The following ZBTB46 variants were observed in gnomAD, a reference collection of about 807,000 sequenced individuals.
ZBTB46 encodes zinc finger and BTB domain containing 46.
In ZBTB46, 8 loss-of-function variants were observed where a neutral mutation model predicts 44.1. The observed-to-expected ratio is 0.18, with a 90% CI of 0.11 to 0.33. The LOEUF (loss-of-function observed/expected upper bound fraction) is 0.33. Ranked by LOEUF, ZBTB46 falls within the 10% of genes least tolerant of loss-of-function variation. The pLI, the probability that ZBTB46 is intolerant of heterozygous loss-of-function variation, is 1.00. For missense variants in ZBTB46, 651 were observed against 847.7 expected (o/e 0.77, Z 2.88); for synonymous variants, 409 against 382.3 (o/e 1.07, Z -0.81).
At chr20:63,760,193 C>A (rs1212632028) in intron 3 of ZBTB46, among the ~76,000 whole-genome samples, 2 of 152,184 alleles carry the variant, frequency 1.3e-5, no homozygotes, top group African/African-American at 4.8e-5. Context: ...ACGTTGGCGT[C>A]ATTTTCTTCC....
intron 1 of ZBTB46, chr20:63,815,200 G>A: frequency 4.3e-6 from 1 of 235,004 alleles, no homozygotes; most frequent in South Asian, 4.1e-5. Flanking sequence ...AGTGGGCGCA[G>A]GTGCAGTGGG....
chr20:63,747,617 CAG>C (rs1319219579), intron 4 of ZBTB46, among the ~76,000 whole-genome samples: 1 of 149,738 alleles, frequency 6.7e-6, no homozygotes, highest in Non-Finnish European at 1.5e-5. Flanking sequence ...TCTGCACAGG[CAG>C]AGACTCCTGG....
intron 3 of ZBTB46, among the ~76,000 whole-genome samples, chr20:63,753,441 G>A (rs2092190031): frequency 6.6e-6 from 1 of 152,158 alleles, no homozygotes; most frequent in Admixed American, 6.5e-5. Context: ...GAGACCCAAC[G>A]TCACTCAGTG....
chr20:63,744,088 T>C lies in ZBTB46; in HGVS notation c.*2842A>G, dbSNP rs1350645019. ...TCACTACAAGTAGTTCTAAAAGGGC[T>C]GCATACAAAACACAATATAAGATCT... On this transcript the variant is annotated 3_prime_UTR_variant, in exon 5 of 5. Transcript: ENST00000245663. 1.3e-5 allele frequency: 2 copies of C among 152,404 alleles called. No individual in the cohort carries two copies. Among genetic ancestry groups the C allele is most frequent in the African/African-American group, 2.4e-5 (1 of 41,426 alleles). The allele number at this position is 152,404 out of a possible 1,614,324, so 9.4% of individuals were successfully genotyped here.
intron 2 of ZBTB46, among the ~76,000 whole-genome samples, chr20:63,780,065 G>A (rs2092456492): frequency 6.6e-6 from 1 of 151,792 alleles, no homozygotes; most frequent in South Asian, 2.1e-4. Flanking sequence ...GAAGTCAGGA[G>A]TTTGAGACTA....
At chr20:63,825,209 T>G (rs2092813184) in intron 1 of ZBTB46, among the ~76,000 whole-genome samples, 2 of 151,686 alleles carry the variant, frequency 1.3e-5, no homozygotes, top group Non-Finnish European at 2.9e-5. Flanking sequence ...AAGACCAGCC[T>G]GGCCAACATG....
intron 3 of ZBTB46, among the ~76,000 whole-genome samples, chr20:63,770,028 A>ACCGCC (rs2092353648): frequency 6.6e-6 from 1 of 152,182 alleles, no homozygotes; most frequent in African/African-American, 2.4e-5. Context: ...GCGGCACCGC[A>ACCGCC]CCGCCATGGC....
At chr20:63,830,394 T>A (rs1421191133) in intron 1 of ZBTB46, among the ~76,000 whole-genome samples, 1 of 148,420 alleles carries the variant, frequency 6.7e-6, no homozygotes, top group African/African-American at 2.5e-5. Context: ...GCGCGCCCCG[T>A]CCGCCCCGCG....
intron 3 of ZBTB46, among the ~76,000 whole-genome samples, chr20:63,759,074 C>T (rs1357147267): frequency 1.3e-5 from 2 of 152,146 alleles, no homozygotes; most frequent in African/African-American, 4.8e-5. Flanking sequence ...CCTCCATGAA[C>T]ATAGTATCTC....
Position 63,790,381 on chromosome 20 carries a change from TTGA to T in ZBTB46, c.374_376del (p.Ile125del). On this transcript the variant is annotated inframe_deletion, in exon 2 of 5. Coordinates refer to ENST00000245663, the MANE Select transcript of ZBTB46 (RefSeq NM_001369741.1). ...CTTGATGCTGATGTCCAGCGCCGCC[TTGA>T]TGAAGTCGTGGCAGGCTTGCACGAT... 6.2e-7 allele frequency: 1 copy of T among 1,613,214 alleles called. No homozygotes were observed. The highest frequency in any genetic ancestry group is 8.5e-7 in the Non-Finnish European group (1 of 1,179,920).
intron 1 of ZBTB46, among the ~76,000 whole-genome samples, chr20:63,818,457 G>A (rs572914987): frequency 8.5e-5 from 13 of 152,334 alleles, no homozygotes; most frequent in African/African-American, 1.4e-4. Context: ...AGGCCAGTGC[G>A]GACCCCCAGG....
chr20:63,774,607 T>C (rs6089988), intron 3 of ZBTB46, among the ~76,000 whole-genome samples: 83,015 of 151,462 alleles, frequency 0.55, 23,000 homozygotes, highest in Admixed American at 0.62. Context: ...AGCTATGTGC[T>C]AGGTGCCAGC....
At position 63,770,917 on chromosome 20, in the gene ZBTB46, C is replaced by T. The variant is rs556990243; in HGVS notation, c.1222+4761G>A. ...GCCCAGCCCTGGAAATGCTCATCGCCTGCAACCAGCACATGGAGATGGTCG... is the reference window on the plus strand; with the variant it reads ...GCCCAGCCCTGGAAATGCTCATCGCTTGCAACCAGCACATGGAGATGGTCG... On this transcript the variant is annotated intron_variant, in intron 3 of 4. Coordinates refer to ENST00000245663, the MANE Select transcript of ZBTB46 (RefSeq NM_001369741.1). 3.1e-5 allele frequency among the ~76,000 whole-genome samples: 4 copies of T among 127,136 alleles called. No homozygotes were observed. The South Asian group carries it at 7.5e-4, about 24-fold the overall frequency. 83.4% of individuals were successfully genotyped at this position (127,136 alleles called of 152,430 possible). A position where few individuals can be genotyped will look rare whatever the true frequency, so the allele number is the denominator to read the frequency against.
At chr20:63,757,895 A>G (rs1360516375) in intron 3 of ZBTB46, among the ~76,000 whole-genome samples, 3 of 27,336 alleles carry the variant, frequency 1.1e-4, no homozygotes, top group South Asian at 1.7e-3. Flanking sequence ...CCACCCGCCC[A>G]TCCAGAGCTC....
Position 63,775,675 on chromosome 20 carries a change from T to TA in ZBTB46, c.1222+2dup. The TA allele has an allele frequency of 6.4e-7, 1 of 1,562,992 alleles. No individual in the cohort carries two copies. Among genetic ancestry groups the TA allele is most frequent in the Non-Finnish European group, 8.7e-7 (1 of 1,153,316 alleles). On this transcript the variant is annotated splice_region_variant and intron_variant, in intron 3 of 4. Transcript: ENST00000245663. Reference sequence around the variant, plus strand: ...CCAAGCGGCCCCCAGGGCCTGCACTTACGGGACAGCGAGTGGGCCCCTCTG... The same window carrying TA: ...CCAAGCGGCCCCCAGGGCCTGCACTTAACGGGACAGCGAGTGGGCCCCTCTG...
intron 1 of ZBTB46, among the ~76,000 whole-genome samples, chr20:63,793,632 AAAC>A (rs1568877130): frequency 1.2e-5 from 1 of 82,768 alleles, no homozygotes; most frequent in Non-Finnish European, 2.5e-5. Flanking sequence ...AGAACTATGA[AAAC>A]AACAACAAAA....
chr20:63,753,374 G>A (rs186371718), intron 3 of ZBTB46, among the ~76,000 whole-genome samples: 1 of 152,236 alleles, frequency 6.6e-6, no homozygotes, highest in Non-Finnish European at 1.5e-5. Flanking sequence ...GGCTCTTCTT[G>A]CTGGACGCCG....
chr20:63,769,493 G>A (rs149475007), intron 3 of ZBTB46: 37 of 962,986 alleles, frequency 3.8e-5, no homozygotes, highest in East Asian at 1.2e-4. Context: ...GTGTGAGCCC[G>A]GTGATGCCCC....
intron 3 of ZBTB46, among the ~76,000 whole-genome samples, chr20:63,770,747 C>T (rs2092362303): frequency 6.6e-6 from 1 of 152,202 alleles, no homozygotes; most frequent in African/African-American, 2.4e-5. Context: ...ACTGGGCAGG[C>T]GGTGGGATCC....
Sources: gnomAD v4.1 joint callset for allele counts (sites outside exome capture counted in the v4.1 genomes callset) on GRCh38, gnomAD v4.1.1 for gene constraint, MANE v1.5 for transcripts, NCBI Gene and HGNC (gene_info 2026-07-23, HGNC 2026-07-21) for gene names.